SLC1A1: variants seen among roughly 807,000 people sequenced by gnomAD.
The protein encoded by SLC1A1 is excitatory amino acid transporter 3.
SLC1A1 carries 43 observed loss-of-function variants against 53.3 expected under a neutral mutation model. The ratio of observed to expected loss-of-function variants is 0.81; its 90% confidence interval spans 0.63 to 1.04. The LOEUF is 1.04. Ranked by LOEUF, SLC1A1 falls within the 50% of genes least tolerant of loss-of-function variation. The pLI is 0.00. For missense variants in SLC1A1, 748 were observed against 664.9 expected (o/e 1.12, Z -1.37); for synonymous variants, 307 against 243.2 (o/e 1.26, Z -2.44).
chr9:4,490,497 G>A lies in SLC1A1; in HGVS notation c.-183G>A. 1 of 384,954 alleles carries A rather than the reference G, an allele frequency of 2.6e-6. No homozygotes were observed. Among genetic ancestry groups the A allele is most frequent in the Non-Finnish European group, 4.6e-6 (1 of 216,148 alleles). The allele number at this position is 384,954 out of a possible 1,614,324, so 23.8% of individuals were successfully genotyped here. A position where few individuals can be genotyped will look rare whatever the true frequency, so the allele number is the denominator to read the frequency against. On this transcript the variant is annotated 5_prime_UTR_variant, in exon 1 of 12. Coordinates refer to ENST00000262352, the MANE Select transcript of SLC1A1 (RefSeq NM_004170.6). The stretch of plus-strand genomic sequence containing the variant: ...AACTACCGGGCTGGCAGGGCGGCGG[G>A]CGCGGTGCGCGATCCCGGGTGGCGG...
chr9:4,521,716 T>C (rs1586708905), intron 1 of SLC1A1, among the ~76,000 whole-genome samples: 1 of 152,188 alleles, frequency 6.6e-6, no homozygotes, highest in Non-Finnish European at 1.5e-5. Flanking sequence ...CGTGACTTTA[T>C]ATCTGTATAC....
At position 4,572,282 on chromosome 9, in the gene SLC1A1, G is replaced by A; in HGVS notation, c.661G>A (p.Val221Ile). 1 of 1,614,092 alleles carries A rather than the reference G, an allele frequency of 6.2e-7. No individual in the cohort carries two copies. Among genetic ancestry groups the A allele is most frequent in the Non-Finnish European group, 8.5e-7 (1 of 1,179,962 alleles). The change falls in exon 7 of 12, where the codon GTC (valine) becomes ATC (isoleucine). Residue 221 changes from valine (V) to isoleucine (I), a missense_variant. Physicochemically the swap from Val to Ile is conservative, Grantham distance 29. Coordinates refer to ENST00000262352, the MANE Select transcript of SLC1A1 (RefSeq NM_004170.6). ...CCTGGGCTTGATTGTCTTTTGCCTT[G>A]TCTTTGGACTTGTCATTGGAAAAAT... ...NVLGLIVFCL[V>I]FGLVIGKMGE...
intron 2 of SLC1A1, among the ~76,000 whole-genome samples, chr9:4,552,914 C>T (rs969901465): frequency 6.6e-6 from 1 of 151,870 alleles, no homozygotes; most frequent in Non-Finnish European, 1.5e-5. Context: ...CAGAATTGAG[C>T]TACGCAGATA....
rs980528105 is a variant in SLC1A1, at chr9:4,544,567, G to A, written c.92G>A (p.Gly31Asp). 2 of 1,613,260 alleles carry A rather than the reference G, an allele frequency of 1.2e-6. No homozygotes were observed. The highest frequency in any genetic ancestry group is 1.7e-6 in the Non-Finnish European group (2 of 1,179,454). The change falls in exon 2 of 12, where the codon GGC becomes GAC. Residue 31 changes from glycine (G) to aspartate (D), a missense_variant and splice_region_variant. Coordinates refer to ENST00000262352, the MANE Select transcript of SLC1A1 (RefSeq NM_004170.6). Reference protein sequence around the residue: ...LLSTVAAVVLGITTGVLVREH... With the variant: ...LLSTVAAVVLDITTGVLVREH... ...TCTTTCCAACTCTTGTTTTCCTTAG[G>A]CATTACCACAGGAGTCTTGGTTCGA...
At chr9:4,507,845 G>A (rs1384438821) in intron 1 of SLC1A1, among the ~76,000 whole-genome samples, 1 of 152,168 alleles carries the variant, frequency 6.6e-6, no homozygotes, top group Admixed American at 6.5e-5. Flanking sequence ...CCTGCTGCAG[G>A]AGAGATGGTC....
intron 1 of SLC1A1, among the ~76,000 whole-genome samples, chr9:4,511,648 C>T (rs1402510321): frequency 6.6e-6 from 1 of 151,704 alleles, no homozygotes; most frequent in African/African-American, 2.4e-5. Context: ...TGAATGCTTT[C>T]CCCCTAAGAG....
intron 1 of SLC1A1, among the ~76,000 whole-genome samples, chr9:4,500,841 AATAGTCCT>A (rs1424439336): frequency 6.6e-6 from 1 of 152,116 alleles, no homozygotes; most frequent in African/African-American, 2.4e-5. Context: ...CTTTCCAATA[AATAGTCCT>A]ATACTTTCTG....
chr9:4,512,841 T>C (rs1170051137), intron 1 of SLC1A1, among the ~76,000 whole-genome samples: 2 of 152,062 alleles, frequency 1.3e-5, no homozygotes, highest in African/African-American at 4.8e-5. Context: ...TGTAGCTCAT[T>C]GCAGCCTTGA....
rs113177004 is a variant in SLC1A1, at chr9:4,583,882, T to TCACACA, written c.1328+735_1328+740dup. On this transcript the variant is annotated intron_variant, in intron 11 of 11. Coordinates refer to ENST00000262352, the MANE Select transcript of SLC1A1 (RefSeq NM_004170.6). The surrounding 1 kb of genome is among the most constrained non-coding windows in gnomAD (Gnocchi z 4.6). Reference sequence around the variant, plus strand: ...CTCTCTCTCTCTCTCTCTCTCTCTCTCACACACACACACACACACACACAC... The same window carrying TCACACA: ...CTCTCTCTCTCTCTCTCTCTCTCTCTCACACACACACACACACACACACACACACAC... Among the ~76,000 whole-genome samples the TCACACA allele has an allele frequency of 1.8e-3, 242 of 137,036 alleles. No homozygotes were observed. Among genetic ancestry groups the TCACACA allele is most frequent in the African/African-American group, 6.5e-3 (230 of 35,352 alleles). The allele number at this position is 137,036 out of a possible 152,430, so 89.9% of individuals were successfully genotyped here.
At chr9:4,510,461 TGTAAGGAGGCGGGG>T (rs1820963730) in intron 1 of SLC1A1, among the ~76,000 whole-genome samples, 1 of 152,146 alleles carries the variant, frequency 6.6e-6, no homozygotes, top group Non-Finnish European at 1.5e-5. Context: ...TCCAGAAAGG[TGTAAGGAGGCGGGG>T]GTGACATATA....
chr9:4,557,265 G>A (rs1047654893), intron 2 of SLC1A1, among the ~76,000 whole-genome samples: 2 of 152,246 alleles, frequency 1.3e-5, no homozygotes, highest in Admixed American at 6.5e-5. Flanking sequence ...TATGATCAGT[G>A]CAGTGATGGA....
At position 4,514,944 on chromosome 9, in the gene SLC1A1, C is replaced by T. The variant is rs138112739; in HGVS notation, c.91+24174C>T. 1.8e-3 allele frequency among the ~76,000 whole-genome samples: 273 copies of T among 152,174 alleles called. 1 individual carries two copies. Among genetic ancestry groups the T allele is most frequent in the African/African-American group, 6.4e-3 (266 of 41,516 alleles). ...TTACATTACAGTGTAAAGGCCATCA[C>T]TCACTTGTCTTCTGACTGGGCTGGC... On this transcript the variant is annotated intron_variant, in intron 1 of 11. Coordinates refer to ENST00000262352, the MANE Select transcript of SLC1A1 (RefSeq NM_004170.6).
At chr9:4,558,346 G>A (rs1433707410) in intron 2 of SLC1A1, among the ~76,000 whole-genome samples, 1 of 152,164 alleles carries the variant, frequency 6.6e-6, no homozygotes, top group Non-Finnish European at 1.5e-5. Flanking sequence ...ACTATACAGA[G>A]GTAGAGGTAA....
At chr9:4,566,112 T>G in intron 5 of SLC1A1, 23 bp downstream of exon 5, 1 of 1,595,842 alleles carries the variant, frequency 6.3e-7, no homozygotes, top group Non-Finnish European at 8.6e-7. Context: ...ACTTGTGCCC[T>G]TAACTTGCTA....
intron 1 of SLC1A1, among the ~76,000 whole-genome samples, chr9:4,539,877 C>G (rs1386834003): frequency 2.0e-5 from 3 of 152,064 alleles, no homozygotes; most frequent in Non-Finnish European, 2.9e-5. Flanking sequence ...ACCTTACCAA[C>G]TTACTTATAT....
At chr9:4,575,091 T>C (rs1199037956) in intron 8 of SLC1A1, among the ~76,000 whole-genome samples, 3 of 152,330 alleles carry the variant, frequency 2.0e-5, no homozygotes, top group African/African-American at 7.2e-5. Flanking sequence ...CTGGTTTCTA[T>C]TCTCTTACCC....
At chr9:4,511,501 A>ACAT (rs1388573109) in intron 1 of SLC1A1, among the ~76,000 whole-genome samples, 1 of 152,078 alleles carries the variant, frequency 6.6e-6, no homozygotes, top group African/African-American at 2.4e-5. Context: ...GAGGACATAC[A>ACAT]CATTCATACC....
intron 10 of SLC1A1, among the ~76,000 whole-genome samples, chr9:4,579,671 C>G (rs982426543): frequency 1.9e-4 from 29 of 152,308 alleles, no homozygotes; most frequent in African/African-American, 7.0e-4. Context: ...ATTAAAAATC[C>G]TCACTGGCTC....
intron 3 of SLC1A1, among the ~76,000 whole-genome samples, chr9:4,564,057 C>A (rs547274536): frequency 3.3e-5 from 5 of 152,080 alleles, no homozygotes; most frequent in African/African-American, 1.2e-4. Context: ...TTTCCAGAAG[C>A]AATTCTGGGA....
Sources: gnomAD v4.1 joint callset for allele counts (sites outside exome capture counted in the v4.1 genomes callset) on GRCh38, gnomAD v4.1.1 for gene constraint, Gnocchi (gnomAD v3.1) non-coding constraint, MANE v1.5 for transcripts, NCBI Gene and HGNC (gene_info 2026-07-23, HGNC 2026-07-21) for gene names.